CSTL1: variants seen among roughly 807,000 people sequenced by gnomAD.
CSTL1 encodes cystatin-like 1.
In CSTL1, 14 loss-of-function variants were observed where a neutral mutation model predicts 14.4. The ratio of observed to expected loss-of-function variants is 0.97; its 90% CI spans 0.64 to 1.52. The LOEUF (loss-of-function observed/expected upper bound fraction) is 1.52, where lower values mean the gene tolerates loss of function less well. CSTL1 is among the 40% of genes most tolerant of loss of function. The pLI, the probability that CSTL1 is intolerant of heterozygous loss-of-function variation, is 0.00. For missense variants in CSTL1, 170 were observed against 168.7 expected (o/e 1.01, Z -0.04); for synonymous variants, 72 against 67.5 (o/e 1.07, Z -0.33).
downstream of CSTL1, among the ~76,000 whole-genome samples, chr20:23,449,824 C>T (rs527739000): frequency 1.9e-3 from 295 of 152,210 alleles, no homozygotes; most frequent in Non-Finnish European, 3.4e-3. Context: ...GCCTCCTTCA[C>T]GGGGGGCACA....
chr20:23,451,223 C>A, the CSTL1 span, among the ~76,000 whole-genome samples: 2 of 152,228 alleles, frequency 1.3e-5, no homozygotes, highest in Admixed American at 1.3e-4. Flanking sequence ...CTGTCCATTG[C>A]ACCATCTCCC....
chr20:23,458,705 G>A, the CSTL1 span: 23 of 152,252 alleles, frequency 1.5e-4, no homozygotes, highest in African/African-American at 5.3e-4. Context: ...ACTGTTCCCG[G>A]GAAGGAAGGC....
intron 3 of CSTL1, among the ~76,000 whole-genome samples, 181 bp downstream of exon 3, chr20:23,444,225 C>G (rs544034978): frequency 6.6e-6 from 1 of 152,350 alleles, no homozygotes; most frequent in Admixed American, 6.5e-5. Flanking sequence ...TGGGCTGGTA[C>G]AGCCCTGCAC....
At chr20:23,451,711 C>T in the CSTL1 span, 1 of 806,724 alleles carries the variant, frequency 1.2e-6, no homozygotes, top group Admixed American at 2.4e-5. Flanking sequence ...CTTTTCAAGC[C>T]AGCTTGAGTA....
intron 2 of CSTL1, chr20:23,442,406 C>T (rs1986855838): frequency 6.6e-6 from 1 of 152,252 alleles, no homozygotes; most frequent in Admixed American, 6.5e-5. Flanking sequence ...AGGAGGGAAG[C>T]ACTTAGCACA....
At chr20:23,453,905 A>G in the CSTL1 span, among the ~76,000 whole-genome samples, 3 of 152,184 alleles carry the variant, frequency 2.0e-5, no homozygotes, top group South Asian at 6.2e-4. Flanking sequence ...ACACATACAC[A>G]TACCTACACA....
chr20:23,445,405 G>A (rs1440934299), downstream of CSTL1, among the ~76,000 whole-genome samples: 1 of 151,828 alleles, frequency 6.6e-6, no homozygotes, highest in African/African-American at 2.4e-5. Context: ...GGTGCACACC[G>A]CTTTGTCCAG....
chr20:23,445,119 C>A (rs890879579), downstream of CSTL1, among the ~76,000 whole-genome samples: 1 of 152,138 alleles, frequency 6.6e-6, no homozygotes, highest in African/African-American at 2.4e-5. Flanking sequence ...CACTCATCCA[C>A]CCGCCCACCC....
At chr20:23,456,024 T>A in the CSTL1 span, among the ~76,000 whole-genome samples, 17 of 152,204 alleles carry the variant, frequency 1.1e-4, no homozygotes, top group Non-Finnish European at 2.2e-4. Flanking sequence ...TCTATGTTCA[T>A]AATTCTTTAC....
chr20:23,444,526 C>T (rs2277765), intron 3 of CSTL1, among the ~76,000 whole-genome samples: 12,073 of 152,250 alleles, frequency 0.079, 682 homozygotes, highest in East Asian at 0.29. Context: ...TGACAGGGTC[C>T]GGCCAGGCCA....
Position 23,440,148 on chromosome 20 carries a change from G to A in CSTL1, c.-120G>A, listed in dbSNP as rs1986790310. 1.2e-5 allele frequency: 11 copies of A among 950,760 alleles called. No homozygotes were observed. Among genetic ancestry groups the A allele is most frequent in the East Asian group, 2.5e-5 (1 of 40,060 alleles). 58.9% of individuals were successfully genotyped at this position (950,760 alleles called of 1,614,324 possible). A position where few individuals can be genotyped will look rare whatever the true frequency, so the allele number is the denominator to read the frequency against. ...TGAATCTCTGTTTAAATGCAGGCAG[G>A]CCATCCCCCAGGAAAGCCTATGTTG... On this transcript the variant is annotated 5_prime_UTR_variant, in exon 2 of 4. Coordinates refer to ENST00000347397, the MANE Select transcript of CSTL1 (RefSeq NM_138283.1).
At chr20:23,450,435 T>A in the CSTL1 span, 1 of 913,364 alleles carries the variant, frequency 1.1e-6, no homozygotes. Flanking sequence ...ATTTATTGCC[T>A]ATATTAAGGA....
downstream of CSTL1, among the ~76,000 whole-genome samples, chr20:23,448,815 T>C (rs959807171): frequency 6.6e-6 from 1 of 152,188 alleles, no homozygotes; most frequent in African/African-American, 2.4e-5. Flanking sequence ...TTCTTCCTAA[T>C]GGTTAATATT....
At chr20:23,453,002 GT>G in the CSTL1 span, 1 of 599,660 alleles carries the variant, frequency 1.7e-6, no homozygotes, top group South Asian at 2.0e-5. Context: ...CTGTGCAATG[GT>G]TTTTGCATAA....
At chr20:23,461,207 G>A in the CSTL1 span, among the ~76,000 whole-genome samples, 1 of 151,766 alleles carries the variant, frequency 6.6e-6, no homozygotes, top group Non-Finnish European at 1.5e-5. Flanking sequence ...TTTTAATTAA[G>A]GTATATATAT....
the CSTL1 span, among the ~76,000 whole-genome samples, chr20:23,454,159 C>T: frequency 8.6e-5 from 13 of 151,720 alleles, no homozygotes; most frequent in Non-Finnish European, 2.9e-5. Context: ...CTGAAACACA[C>T]ATACTACACA....
the CSTL1 span, among the ~76,000 whole-genome samples, chr20:23,453,223 G>A: frequency 1.3e-5 from 2 of 150,466 alleles, no homozygotes; most frequent in African/African-American, 4.9e-5. Flanking sequence ...TGGGGGGTGG[G>A]CACTGTGGGG....
chr20:23,455,914 G>A, the CSTL1 span, among the ~76,000 whole-genome samples: 1 of 152,288 alleles, frequency 6.6e-6, no homozygotes, highest in South Asian at 2.1e-4. Flanking sequence ...TCTTGATCTT[G>A]TCTTTTTTCC....
chr20:23,451,767 C>T, the CSTL1 span: 13 of 1,360,822 alleles, frequency 9.6e-6, no homozygotes, highest in Admixed American at 1.6e-4. Flanking sequence ...CACAGAAAAA[C>T]CTCACTGAAA....
Sources: gnomAD v4.1 joint callset for allele counts (sites outside exome capture counted in the v4.1 genomes callset) on GRCh38, gnomAD v4.1.1 for gene constraint, MANE v1.5 for transcripts, NCBI Gene and HGNC (gene_info 2026-07-23, HGNC 2026-07-21) for gene names.